Variants in RPS6KC1 observed in about 807,000 individuals in gnomAD.
RPS6KC1 encodes inactive ribosomal protein S6 kinase delta-1.
In RPS6KC1, 54 loss-of-function variants were observed where a neutral mutation model predicts 103.8. That is an observed-to-expected ratio of 0.52 (90% CI 0.42 to 0.65). The LOEUF is 0.65. RPS6KC1 is among the 30% of genes least tolerant of loss of function. RPS6KC1 has a pLI of 0.00. For synonymous variants in RPS6KC1, 439 were observed against 438.7 expected (o/e 1.00, Z -0.01); for missense variants, 1,151 against 1,253.8 (o/e 0.92, Z 1.24).
chr1:213,854,985 G>A, the RPS6KC1 span, among the ~76,000 whole-genome samples: 32 of 152,224 alleles, frequency 2.1e-4, no homozygotes, highest in Non-Finnish European at 4.1e-4. Context: ...TTGGTTTCTG[G>A]TGAGGGCTCT....
the RPS6KC1 span, among the ~76,000 whole-genome samples, chr1:213,301,765 C>T: frequency 2.0e-5 from 3 of 151,528 alleles, no homozygotes; most frequent in African/African-American, 7.3e-5. Flanking sequence ...CAGAGTCTCT[C>T]TCTGTCGCCC....
At chr1:213,775,906 C>T in the RPS6KC1 span, among the ~76,000 whole-genome samples, 1 of 152,172 alleles carries the variant, frequency 6.6e-6, no homozygotes, top group Non-Finnish European at 1.5e-5. Context: ...ATCATTTCCA[C>T]AATGTTCACA....
the RPS6KC1 span, among the ~76,000 whole-genome samples, chr1:213,566,823 G>A: frequency 1.1e-3 from 173 of 151,420 alleles, no homozygotes; most frequent in African/African-American, 4.1e-3. Flanking sequence ...TCTTTTAAAT[G>A]TTTCATCATT....
At chr1:213,268,999 G>A (rs960113291) in intron 14 of RPS6KC1, among the ~76,000 whole-genome samples, 4 of 152,086 alleles carry the variant, frequency 2.6e-5, no homozygotes, top group South Asian at 2.1e-4. Flanking sequence ...TAAACCCACC[G>A]TGTCAATAAA....
At chr1:213,380,424 A>G in the RPS6KC1 span, among the ~76,000 whole-genome samples, 1 of 152,270 alleles carries the variant, frequency 6.6e-6, no homozygotes, top group Admixed American at 6.5e-5. Flanking sequence ...ACAAACCCCC[A>G]TGATATACAT....
chr1:213,276,920 C>T (rs2095113755), downstream of RPS6KC1, among the ~76,000 whole-genome samples: 1 of 152,134 alleles, frequency 6.6e-6, no homozygotes, highest in Non-Finnish European at 1.5e-5. Context: ...ATTTGTACAC[C>T]TGTTGCCCTC....
chr1:213,563,246 A>G, the RPS6KC1 span, among the ~76,000 whole-genome samples: 355 of 152,144 alleles, frequency 2.3e-3, 2 homozygotes, highest in African/African-American at 8.1e-3. Flanking sequence ...CTTAAAATCT[A>G]TTTCATCTGA....
chr1:213,804,198 A>G, the RPS6KC1 span, among the ~76,000 whole-genome samples: 1 of 103,044 alleles, frequency 9.7e-6, no homozygotes, highest in African/African-American at 3.0e-5. Context: ...AAAAAAAAAA[A>G]CAACCCTTTC....
At chr1:213,166,676 A>C (rs1276376414) in intron 6 of RPS6KC1, among the ~76,000 whole-genome samples, 1 of 152,142 alleles carries the variant, frequency 6.6e-6, no homozygotes, top group Non-Finnish European at 1.5e-5. Context: ...GAAGAGGTGG[A>C]ATAGTAATGT....
intron 9 of RPS6KC1, among the ~76,000 whole-genome samples, chr1:213,230,983 CT>C (rs772939322): frequency 1.4e-4 from 22 of 151,884 alleles, no homozygotes; most frequent in East Asian, 7.7e-4. Flanking sequence ...TATCCCCCCC[CT>C]AGGTTTTGAA....
chr1:213,615,977 A>G, the RPS6KC1 span, among the ~76,000 whole-genome samples: 1 of 152,238 alleles, frequency 6.6e-6, no homozygotes, highest in Non-Finnish European at 1.5e-5. Context: ...GACTAACTTT[A>G]GTTCTTCACC....
At chr1:213,115,918 T>C (rs2083546921) in intron 4 of RPS6KC1, among the ~76,000 whole-genome samples, 1 of 152,122 alleles carries the variant, frequency 6.6e-6, no homozygotes, top group Non-Finnish European at 1.5e-5. Flanking sequence ...GTCTGAGAGA[T>C]ATTTTGTTAT....
At chr1:213,702,961 C>T in the RPS6KC1 span, among the ~76,000 whole-genome samples, 2 of 151,930 alleles carry the variant, frequency 1.3e-5, no homozygotes, top group African/African-American at 4.8e-5. Context: ...GGACTTACTC[C>T]TACCATTTTG....
chr1:213,296,916 G>A, the RPS6KC1 span, among the ~76,000 whole-genome samples: 1 of 152,206 alleles, frequency 6.6e-6, no homozygotes, highest in Non-Finnish European at 1.5e-5. Context: ...AGTGTGATGA[G>A]TAAGGAGTAA....
the RPS6KC1 span, among the ~76,000 whole-genome samples, chr1:213,549,485 T>C: frequency 3.9e-5 from 6 of 152,176 alleles, no homozygotes; most frequent in Non-Finnish European, 7.4e-5. Flanking sequence ...TCAGAAGGAG[T>C]ATAAAGAAGG....
chr1:213,831,318 A>G, the RPS6KC1 span, among the ~76,000 whole-genome samples: 29 of 152,222 alleles, frequency 1.9e-4, no homozygotes, highest in Non-Finnish European at 4.4e-5. Context: ...CAAGGTCCTT[A>G]TCAGAGGAAG....
At chr1:213,628,710 G>A in the RPS6KC1 span, among the ~76,000 whole-genome samples, 1 of 151,934 alleles carries the variant, frequency 6.6e-6, no homozygotes, top group African/African-American at 2.4e-5. Flanking sequence ...GCTTTCTCTT[G>A]TGGGCATTTA....
the RPS6KC1 span, chr1:213,842,159 T>TA: frequency 1.1e-4 from 17 of 152,406 alleles, no homozygotes; most frequent in Admixed American, 7.2e-4. Flanking sequence ...TACAGTCACA[T>TA]AGTCCTTGTC....
the RPS6KC1 span, among the ~76,000 whole-genome samples, chr1:213,535,873 T>C: frequency 6.6e-6 from 1 of 151,996 alleles, no homozygotes; most frequent in Non-Finnish European, 1.5e-5. Context: ...AACCAATCAC[T>C]GTGGAATAGG....
Sources: gnomAD v4.1 joint callset for allele counts (sites outside exome capture counted in the v4.1 genomes callset) on GRCh38, gnomAD v4.1.1 for gene constraint, MANE v1.5 for transcripts, NCBI Gene and HGNC (gene_info 2026-07-23, HGNC 2026-07-21) for gene names.